RBMS1: variants seen among roughly 807,000 people sequenced by gnomAD.
The protein encoded by RBMS1 is RNA binding motif single stranded interacting protein 1, also known as RNA-binding motif, single-stranded-interacting protein 1.
Under a neutral mutation model 62.3 loss-of-function variants are expected in RBMS1, and 17 were observed. That is an observed-to-expected ratio of 0.27 (90% CI 0.19 to 0.41). The LOEUF (loss-of-function observed/expected upper bound fraction) is 0.41, where lower values mean the gene tolerates loss of function less well. Among genes scored for constraint, RBMS1 ranks in the 10% least tolerant of loss-of-function variants. The pLI is 1.00. For missense variants in RBMS1, 334 were observed against 504.5 expected (o/e 0.66, Z 3.24); for synonymous variants, 172 against 170.0 (o/e 1.01, Z -0.09).
intron 2 of RBMS1, among the ~76,000 whole-genome samples, chr2:160,335,333 A>G (rs2105988185): frequency 6.6e-6 from 1 of 152,296 alleles, no homozygotes; most frequent in East Asian, 1.9e-4. Flanking sequence ...GGAGGGTGGC[A>G]AAGCAATGTC....
In RBMS1 at chr2:160,279,068, G is replaced by C. The variant is rs146476274; in HGVS notation, c.952-410C>G. 1,180 of 161,152 alleles carry C rather than the reference G, an allele frequency of 7.3e-3. 21 individuals are homozygous for C. Among genetic ancestry groups the C allele is most frequent in the African/African-American group, 0.027 (1,128 of 41,592 alleles). The allele number at this position is 161,152 out of a possible 1,614,324, so 10.0% of individuals were successfully genotyped here. ...AAAAAAAATCTGGAAAAAAAAGGCA[G>C]TTGATGTTTTCTCCAGTCACCAAAC... On this transcript the variant is annotated intron_variant, in intron 10 of 13. Coordinates refer to ENST00000348849, the MANE Select transcript of RBMS1 (RefSeq NM_016836.4).
chr2:160,427,631 G>A (rs536542558), intron 1 of RBMS1, among the ~76,000 whole-genome samples: 2 of 152,086 alleles, frequency 1.3e-5, no homozygotes, highest in South Asian at 4.1e-4. Flanking sequence ...AAACTAAGAC[G>A]GTTATCTGTA....
At chr2:160,474,336 T>G (rs1283416189) in intron 1 of RBMS1, among the ~76,000 whole-genome samples, 1 of 152,204 alleles carries the variant, frequency 6.6e-6, no homozygotes, top group African/African-American at 2.4e-5. Flanking sequence ...AAGTTCTTTT[T>G]TGTGTGTGTT....
chr2:160,487,198 G>A (rs956381902), intron 1 of RBMS1, among the ~76,000 whole-genome samples: 3 of 152,076 alleles, frequency 2.0e-5, no homozygotes, highest in Non-Finnish European at 4.4e-5. Context: ...TTCATTTAAA[G>A]CCTTATGTCT....
intron 2 of RBMS1, among the ~76,000 whole-genome samples, chr2:160,337,686 T>C (rs187133264): frequency 7.3e-4 from 111 of 152,214 alleles, no homozygotes; most frequent in Non-Finnish European, 1.4e-3. Context: ...CACATATTTA[T>C]TCACTGCCTA....
chr2:160,368,350 T>C (rs1382986969), intron 1 of RBMS1, among the ~76,000 whole-genome samples: 1 of 152,134 alleles, frequency 6.6e-6, no homozygotes, highest in Non-Finnish European at 1.5e-5. Context: ...ACATCACTCA[T>C]GAACAGTTTG....
chr2:160,442,593 C>T (rs1683454248), intron 1 of RBMS1, among the ~76,000 whole-genome samples: 1 of 152,012 alleles, frequency 6.6e-6, no homozygotes, highest in African/African-American at 2.4e-5. Context: ...AGAGACTTTG[C>T]GTTATATAAA....
chr2:160,476,237 T>C (rs1221753060), intron 1 of RBMS1, among the ~76,000 whole-genome samples: 2 of 152,196 alleles, frequency 1.3e-5, no homozygotes, highest in Admixed American at 6.5e-5. Context: ...TTTTGCATTT[T>C]ATGAAGTGTT....
In RBMS1 at chr2:160,367,326, G is replaced by A. The variant is rs757932617; in HGVS notation, c.141C>T (p.Asn47=). 1.9e-6 allele frequency: 3 copies of A among 1,601,970 alleles called. No homozygotes were observed. Among genetic ancestry groups the A allele is most frequent in the Non-Finnish European group, 1.7e-6 (2 of 1,173,550 alleles). Residue 47 remains asparagine (N), a synonymous_variant, in exon 2 of 14, where the codon AAC becomes AAT. Coordinates refer to ENST00000348849, the MANE Select transcript of RBMS1 (RefSeq NM_016836.4). Reference sequence around the variant, plus strand: ...ATCCTGAGTTGCTACTGCTGCTACTGTTGTTATTACTGCTGGTGGTGCTGG... The same window carrying A: ...ATCCTGAGTTGCTACTGCTGCTACTATTGTTATTACTGCTGGTGGTGCTGG... ...PSPSTTSSNN[N]SSSSSNSGWD... is the part of the protein sequence containing the mutation.
At chr2:160,337,025 C>T (rs1336633300) in intron 2 of RBMS1, among the ~76,000 whole-genome samples, 2 of 152,088 alleles carry the variant, frequency 1.3e-5, no homozygotes, top group African/African-American at 4.8e-5. Context: ...AACCCTGGGT[C>T]TCAGGGAGAT....
intron 2 of RBMS1, among the ~76,000 whole-genome samples, chr2:160,359,026 T>C (rs1401127374): frequency 1.3e-5 from 2 of 152,170 alleles, no homozygotes; most frequent in African/African-American, 4.8e-5. Context: ...ATCTGAGATG[T>C]AGTAGCTACC....
In RBMS1 at chr2:160,476,375, A is replaced by G. The variant is rs185941833; in HGVS notation, c.75+16914T>C. Among the ~76,000 whole-genome samples, 33 of 152,214 alleles carry G rather than the reference A, an allele frequency of 2.2e-4. 1 individual carries two copies. In the South Asian group the frequency reaches 6.4e-3, roughly 30 times the overall value. ...AGGCTAAAAGCTCATTTTTATCCTA[A>G]TCACGTATGTATTTGAAGCAGAAGC... On this transcript the variant is annotated intron_variant, in intron 1 of 13. Transcript: ENST00000348849.
rs1214844406 is a variant in RBMS1 at position 160,416,086 on chromosome 2, T to C, written c.76-48695A>G. 4.0e-5 allele frequency: 6 copies of C among 148,638 alleles called. No individual in the cohort carries two copies. In the Admixed American group the frequency reaches 4.1e-4, roughly 10 times the overall value. The allele number at this position is 148,638 out of a possible 1,614,324, so 9.2% of individuals were successfully genotyped here. ...CACCCTGAGTATCTTTAAGAATGAC[T>C]AGTTCTGGGTTATCTAGTATGTTTA... is the stretch of plus-strand genomic sequence containing the variant. On this transcript the variant is annotated intron_variant, in intron 1 of 13. Transcript: ENST00000348849.
chr2:160,410,881 CT>C (rs1696002338), intron 1 of RBMS1, among the ~76,000 whole-genome samples: 1 of 152,184 alleles, frequency 6.6e-6, no homozygotes, highest in Non-Finnish European at 1.5e-5. Flanking sequence ...GTAGCTGGGA[CT>C]ACAGGCGTGT....
intron 2 of RBMS1, among the ~76,000 whole-genome samples, chr2:160,333,092 C>T (rs937150047): frequency 3.9e-5 from 6 of 151,982 alleles, no homozygotes; most frequent in African/African-American, 1.2e-4. Flanking sequence ...GAGGTGAGTT[C>T]ACTCTTTGCA....
At chr2:160,290,637 C>G (rs1278084380) in intron 6 of RBMS1, among the ~76,000 whole-genome samples, 2 of 152,160 alleles carry the variant, frequency 1.3e-5, no homozygotes, top group Non-Finnish European at 2.9e-5. Flanking sequence ...TCACCCAAAA[C>G]TAAAGAGTTA....
chr2:160,336,971 T>G (rs1447079452), intron 2 of RBMS1, among the ~76,000 whole-genome samples: 1 of 152,182 alleles, frequency 6.6e-6, no homozygotes, highest in Non-Finnish European at 1.5e-5. Flanking sequence ...TGGGCTCACA[T>G]TAGGGCAATA....
intron 1 of RBMS1, among the ~76,000 whole-genome samples, chr2:160,447,843 T>G (rs976809686): frequency 6.6e-6 from 1 of 152,232 alleles, no homozygotes; most frequent in Non-Finnish European, 1.5e-5. Context: ...TTACACAGAA[T>G]TGGATGATGC....
intron 1 of RBMS1, among the ~76,000 whole-genome samples, chr2:160,466,826 A>G (rs1313076705): frequency 6.6e-6 from 1 of 152,218 alleles, no homozygotes; most frequent in East Asian, 1.9e-4. Flanking sequence ...AGTGTGACGG[A>G]GGTTTCAAAT....
Sources: allele counts gnomAD v4.1 joint callset (sites outside exome capture counted in the v4.1 genomes callset), GRCh38; gene constraint gnomAD v4.1.1; transcripts MANE v1.5; gene names NCBI Gene and HGNC (gene_info 2026-07-23, HGNC 2026-07-21).